The following COL24A1 variants were observed in gnomAD, a reference collection of about 807,000 sequenced individuals.
COL24A1 encodes the protein collagen type XXIV alpha 1 chain.
COL24A1 carries 224 observed loss-of-function variants against 253.9 expected under a neutral mutation model. That is an observed-to-expected ratio of 0.88 (90% CI 0.79 to 0.99). COL24A1 has a LOEUF of 0.99. Among genes scored for constraint, COL24A1 ranks in the 50% least tolerant of loss-of-function variants. COL24A1 has a pLI of 0.00. For missense variants in COL24A1, 2,131 were observed against 2,068.5 expected, an observed-to-expected ratio of 1.03 and a Z score of -0.59; for synonymous variants, 685 against 673.7, an observed-to-expected ratio of 1.02 and a Z score of -0.26.
chr1:85,937,443 T>A lies in COL24A1; in HGVS notation c.2562+23806A>T, dbSNP rs138500906. The stretch of plus-strand genomic sequence containing the variant: ...GAAACAGGAATATGGGAGGACATAC[T>A]GGAGTAGGCACGAAGTGTGAAGATC... On this transcript the variant is annotated intron_variant, in intron 24 of 59. Coordinates refer to ENST00000370571, the MANE Select transcript of COL24A1 (RefSeq NM_152890.7). Among the ~76,000 whole-genome samples the A allele has an allele frequency of 5.8e-4, 85 of 147,798 alleles. 8 individuals carry two copies. Among genetic ancestry groups the A allele is most frequent in the Middle Eastern group, 7.1e-3 (2 of 282 alleles).
At chr1:86,105,036 A>C (rs1049651721) in intron 5 of COL24A1, among the ~76,000 whole-genome samples, 83 of 152,152 alleles carry the variant, frequency 5.5e-4, no homozygotes, top group African/African-American at 2.0e-3. Context: ...CCCTCCGTAC[A>C]TGTTCACACA....
chr1:86,091,862 G>A (rs1388440537), intron 6 of COL24A1, among the ~76,000 whole-genome samples: 2 of 152,022 alleles, frequency 1.3e-5, no homozygotes, highest in African/African-American at 4.8e-5. Flanking sequence ...AGAGTACCAT[G>A]GTACTTAAAC....
At chr1:86,138,230 C>T (rs6576804) in intron 2 of COL24A1, among the ~76,000 whole-genome samples, 148,214 of 152,264 alleles carry the variant, frequency 0.97, 72,244 homozygotes, top group Non-Finnish European at 1. Flanking sequence ...ACTGTGAATA[C>T]AACACTTCAG....
chr1:86,128,181 C>T (rs188837823), intron 2 of COL24A1, among the ~76,000 whole-genome samples: 1 of 152,074 alleles, frequency 6.6e-6, no homozygotes, highest in Admixed American at 6.6e-5. Context: ...AAAATTTAAA[C>T]TTTAATCCAT....
At chr1:85,976,493 A>T (rs1558868478) in intron 20 of COL24A1, among the ~76,000 whole-genome samples, 1 of 152,052 alleles carries the variant, frequency 6.6e-6, no homozygotes, top group South Asian at 2.1e-4. Flanking sequence ...GCCCAAGGAG[A>T]GAGTCTGAGC....
At position 85,862,278 on chromosome 1, in the gene COL24A1, T is replaced by C. The variant is rs191843077; in HGVS notation, c.3300+6241A>G. ...AATGTTTAGCAGAGTTCTTGGCTCA[T>C]AGAAGGTACTCAAAAACTTCATCGA... On this transcript the variant is annotated intron_variant, in intron 37 of 59. Transcript: ENST00000370571. Among the ~76,000 whole-genome samples the C allele has an allele frequency of 2.4e-3, 372 of 152,312 alleles. 1 individual carries two copies. Among genetic ancestry groups the C allele is most frequent in the African/African-American group, 7.4e-3 (306 of 41,566 alleles).
At chr1:86,123,683 T>C (rs955955695) in intron 3 of COL24A1, among the ~76,000 whole-genome samples, 4 of 152,020 alleles carry the variant, frequency 2.6e-5, no homozygotes, top group African/African-American at 9.7e-5. Flanking sequence ...TGCTTAATAT[T>C]ATATGTCCAG....
intron 24 of COL24A1, among the ~76,000 whole-genome samples, chr1:85,939,050 A>G (rs76977390): frequency 0.017 from 2,535 of 152,144 alleles, 71 homozygotes; most frequent in African/African-American, 0.057. Flanking sequence ...AGAAAATCCA[A>G]TGTGTGCTCA....
In COL24A1 at chr1:85,761,403, C is replaced by G. The variant is rs748982158; in HGVS notation, c.4430G>C (p.Gly1477Ala). The G allele has an allele frequency of 6.2e-6, 10 of 1,613,968 alleles. No homozygotes were observed. Among genetic ancestry groups the G allele is most frequent in the Non-Finnish European group, 8.5e-6 (10 of 1,179,956 alleles). Reference protein sequence around the residue: ...PGPPGPPGAPGPRKQMDINAA... With the variant: ...PGPPGPPGAPAPRKQMDINAA... ...CAAACCAAGCAAACTTACTCTTGGG[C>G]CTGGTGCTCCAGGTGGACCCTAGAA... The change falls in exon 55 of 60, where the codon GGC becomes GCC. Residue 1477 changes from glycine to alanine, a missense_variant. Transcript: ENST00000370571.
intron 47 of COL24A1, among the ~76,000 whole-genome samples, chr1:85,812,039 C>T (rs1672598903): frequency 1.3e-5 from 2 of 152,170 alleles, no homozygotes; most frequent in Admixed American, 6.5e-5. Flanking sequence ...ATTTGGAATA[C>T]AGCTATGAGC....
intron 5 of COL24A1, among the ~76,000 whole-genome samples, chr1:86,108,145 A>C (rs1705180066): frequency 6.6e-6 from 1 of 152,118 alleles, no homozygotes; most frequent in Non-Finnish European, 1.5e-5. Context: ...ATTAATACTA[A>C]ACAGTATTTA....
At chr1:86,031,225 T>C (rs1698540844) in intron 14 of COL24A1, among the ~76,000 whole-genome samples, 1 of 151,922 alleles carries the variant, frequency 6.6e-6, no homozygotes, top group Non-Finnish European at 1.5e-5. Context: ...TTCTCACAAA[T>C]ATGTGGGAGC....
At chr1:85,869,660 C>T (rs1165917178) in intron 35 of COL24A1, among the ~76,000 whole-genome samples, 2 of 152,152 alleles carry the variant, frequency 1.3e-5, no homozygotes, top group Non-Finnish European at 2.9e-5. Context: ...GAGATTTTGT[C>T]ACCACCAGGC....
At chr1:85,972,123 A>T (rs1311610063) in intron 20 of COL24A1, among the ~76,000 whole-genome samples, 2 of 151,904 alleles carry the variant, frequency 1.3e-5, no homozygotes, top group Non-Finnish European at 2.9e-5. Flanking sequence ...CTGTTCTCCT[A>T]ATTATTCAAG....
At chr1:85,919,421 G>A (rs1686227732) in intron 24 of COL24A1, among the ~76,000 whole-genome samples, 1 of 152,252 alleles carries the variant, frequency 6.6e-6, no homozygotes, top group Admixed American at 6.5e-5. Flanking sequence ...GCTCATGCCT[G>A]TAATCCCAGC....
intron 19 of COL24A1, among the ~76,000 whole-genome samples, chr1:85,997,576 A>C (rs955391170): frequency 2.6e-5 from 4 of 152,072 alleles, no homozygotes; most frequent in Admixed American, 1.3e-4. Context: ...CAAGGTCAGG[A>C]GTTCGAGACC....
chr1:85,948,934 T>C (rs78976633), intron 24 of COL24A1, among the ~76,000 whole-genome samples: 2,548 of 152,046 alleles, frequency 0.017, 73 homozygotes, highest in African/African-American at 0.057. Flanking sequence ...CATTAAAAAA[T>C]ACAAAGAATT....
At chr1:85,823,638 A>C in intron 44 of COL24A1, 47 bp downstream of exon 44, 1 of 1,612,980 alleles carries the variant, frequency 6.2e-7, no homozygotes, top group Admixed American at 1.7e-5. Context: ...GAGACCAAAT[A>C]AGTTATATTA....
intron 31 of COL24A1, among the ~76,000 whole-genome samples, chr1:85,895,593 C>T (rs1286041032): frequency 6.6e-6 from 1 of 152,022 alleles, no homozygotes; most frequent in Non-Finnish European, 1.5e-5. Flanking sequence ...TCAAATAAAA[C>T]AATGACCCAA....
Sources: gnomAD v4.1 joint callset for allele counts (sites outside exome capture counted in the v4.1 genomes callset) on GRCh38, gnomAD v4.1.1 for gene constraint, MANE v1.5 for transcripts, NCBI Gene and HGNC (gene_info 2026-07-23, HGNC 2026-07-21) for gene names.